TSPAN11: variants seen among roughly 807,000 people sequenced by gnomAD.
TSPAN11 encodes the protein tetraspanin 11.
In TSPAN11, 29 loss-of-function variants were observed where a neutral mutation model predicts 32.9. That is an observed-to-expected ratio of 0.88 (90% CI 0.66 to 1.20). The LOEUF is 1.20. Ranked by LOEUF, TSPAN11 falls within the 50% of genes most tolerant of loss-of-function variation. The pLI is 0.00. For synonymous variants in TSPAN11, 140 were observed against 141.3 expected (o/e 0.99, Z 0.07); for missense variants, 283 against 329.1 (o/e 0.86, Z 1.08).
intron 7 of TSPAN11, among the ~76,000 whole-genome samples, chr12:30,990,630 A>G (rs1759176999): frequency 6.6e-6 from 1 of 152,076 alleles, no homozygotes. Flanking sequence ...AGGAGGAAGG[A>G]GGGGAAGAGG....
intron 7 of TSPAN11, among the ~76,000 whole-genome samples, chr12:30,991,103 G>C (rs1939303922): frequency 6.6e-6 from 1 of 152,226 alleles, no homozygotes; most frequent in African/African-American, 2.4e-5. Context: ...TCCCAGGCCT[G>C]TGTCTGCTTT....
intron 4 of TSPAN11, 32 bp downstream of exon 4, chr12:30,978,667 G>T (rs1278454622): frequency 1.2e-6 from 2 of 1,609,416 alleles, no homozygotes; most frequent in Non-Finnish European, 1.7e-6. Flanking sequence ...TGCATCCTCT[G>T]TCAGTGTCCT....
intron 3 of TSPAN11, among the ~76,000 whole-genome samples, chr12:30,976,576 A>G (rs530107931): frequency 6.6e-6 from 1 of 152,224 alleles, no homozygotes; most frequent in South Asian, 2.1e-4. Flanking sequence ...TCAGTACCAC[A>G]CGCAGACCCA....
At chr12:30,939,894 G>T (rs550623531) in intron 1 of TSPAN11, among the ~76,000 whole-genome samples, 1 of 152,280 alleles carries the variant, frequency 6.6e-6, no homozygotes, top group African/African-American at 2.4e-5. Context: ...GCCTTGTTTG[G>T]ATTATTTTCA....
At chr12:30,967,234 G>C (rs1397649372) in intron 3 of TSPAN11, among the ~76,000 whole-genome samples, 1 of 152,210 alleles carries the variant, frequency 6.6e-6, no homozygotes, top group African/African-American at 2.4e-5. Flanking sequence ...CATGAAGAAT[G>C]AATGTCTTCA....
intron 7 of TSPAN11, among the ~76,000 whole-genome samples, chr12:30,988,088 C>T (rs1047222803): frequency 3.3e-5 from 5 of 152,162 alleles, no homozygotes; most frequent in African/African-American, 9.7e-5. Flanking sequence ...TTCTGCATTC[C>T]GGGAGTGCAC....
chr12:30,956,962 C>T (rs77986552), intron 2 of TSPAN11, among the ~76,000 whole-genome samples: 12 of 152,178 alleles, frequency 7.9e-5, no homozygotes, highest in Admixed American at 2.0e-4. Flanking sequence ...CCCCGGGGAC[C>T]GGGGATACAT....
At chr12:30,930,520 C>A (rs990771889) in intron 1 of TSPAN11, among the ~76,000 whole-genome samples, 1 of 152,150 alleles carries the variant, frequency 6.6e-6, no homozygotes, top group African/African-American at 2.4e-5. Context: ...CCTTCCTCTC[C>A]GTGTGACCTT....
chr12:30,974,530 G>T (rs1005735223), intron 3 of TSPAN11, among the ~76,000 whole-genome samples: 1 of 152,234 alleles, frequency 6.6e-6, no homozygotes. Flanking sequence ...CATGGGGCTG[G>T]TTATGCTCCA....
the TSPAN11 span, among the ~76,000 whole-genome samples, chr12:31,005,297 G>A: frequency 1.3e-4 from 20 of 152,320 alleles, no homozygotes; most frequent in South Asian, 4.1e-3. Flanking sequence ...AAAGCCTGGC[G>A]AGGTGCTCAA....
intron 1 of TSPAN11, among the ~76,000 whole-genome samples, chr12:30,944,237 G>A (rs1281639997): frequency 6.6e-6 from 1 of 152,108 alleles, no homozygotes; most frequent in Non-Finnish European, 1.5e-5. Context: ...TCATTTTGTG[G>A]TGAGAGCATG....
chr12:31,002,781 C>T, the TSPAN11 span, among the ~76,000 whole-genome samples: 1 of 152,142 alleles, frequency 6.6e-6, no homozygotes, highest in Non-Finnish European at 1.5e-5. The surrounding 1 kb of genome is among the most constrained non-coding windows in gnomAD (Gnocchi z 4.8). Flanking sequence ...TCTTTGGCCA[C>T]CAAAACCTGG....
the TSPAN11 span, among the ~76,000 whole-genome samples, chr12:31,006,773 C>G: frequency 6.6e-6 from 1 of 152,258 alleles, no homozygotes; most frequent in African/African-American, 2.4e-5. Context: ...ACTTCAGACT[C>G]CTCATTTATT....
At chr12:30,985,495 T>C (rs1282536423) in intron 7 of TSPAN11, among the ~76,000 whole-genome samples, 4 of 152,084 alleles carry the variant, frequency 2.6e-5, no homozygotes, top group African/African-American at 9.7e-5. Flanking sequence ...TGCCCCTCTA[T>C]TGCACTTCCC....
chr12:30,980,828 C>T (rs576690519), intron 5 of TSPAN11, among the ~76,000 whole-genome samples: 35 of 152,360 alleles, frequency 2.3e-4, no homozygotes, highest in African/African-American at 8.2e-4. Flanking sequence ...GGAGGCAGCA[C>T]ACACTGCTGG....
At chr12:30,972,919 AGGGCTTCCCT>A (rs1259520208) in intron 3 of TSPAN11, among the ~76,000 whole-genome samples, 2 of 151,874 alleles carry the variant, frequency 1.3e-5, no homozygotes, top group Non-Finnish European at 2.9e-5. Flanking sequence ...GCGCCCAGGG[AGGGCTTCCCT>A]GGGCTTCCTT....
rs377608112 is a variant in TSPAN11, at chr12:30,983,081, G to A, written c.633G>A (p.Lys211=). 542 of 1,612,966 alleles carry A rather than the reference G, an allele frequency of 3.4e-4. 1 individual carries two copies. Among genetic ancestry groups the A allele is most frequent in the Non-Finnish European group, 4.3e-4 (507 of 1,180,004 alleles). ...IYKVEGGCLT[K]LEQFLADHLL... is the part of the protein sequence containing the mutation. ...TCTTACAGGGAGGCTGCCTCACCAA[G>A]CTGGAGCAGTTCCTGGCCGACCACC... The change falls in exon 7 of 8, where the codon AAG becomes AAA. Residue 211 remains lysine (K), a synonymous_variant. Transcript: ENST00000546076.
chr12:31,013,972 T>C, the TSPAN11 span, among the ~76,000 whole-genome samples: 1 of 152,232 alleles, frequency 6.6e-6, no homozygotes, highest in Non-Finnish European at 1.5e-5. Context: ...TTAAAATCTA[T>C]ATTGATTACA....
At chr12:30,964,135 C>T (rs1394651309) in intron 3 of TSPAN11, 118 bp downstream of exon 3, 3 of 1,266,270 alleles carry the variant, frequency 2.4e-6, no homozygotes, top group Non-Finnish European at 3.2e-6. Flanking sequence ...GTGGGAGTGC[C>T]CGAGAAGGGG....
Sources: gnomAD v4.1 joint callset for allele counts (sites outside exome capture counted in the v4.1 genomes callset) on GRCh38, gnomAD v4.1.1 for gene constraint, Gnocchi (gnomAD v3.1) non-coding constraint, MANE v1.5 for transcripts, NCBI Gene and HGNC (gene_info 2026-07-23, HGNC 2026-07-21) for gene names.